The following ADGRD2 variants were observed in gnomAD, a reference collection of about 807,000 sequenced individuals.
ADGRD2 encodes adhesion G protein-coupled receptor D2, also known as G protein-coupled receptor PGR24.
ADGRD2 carries 71 observed loss-of-function variants against 44.4 expected under a neutral mutation model. The ratio of observed to expected loss-of-function variants is 1.60; its 90% CI spans 1.32 to 1.95. The LOEUF (loss-of-function observed/expected upper bound fraction) is 1.95. Ranked by LOEUF, ADGRD2 falls within the 30% of genes most tolerant of loss-of-function variation. ADGRD2 has a pLI of 0.00. For synonymous variants in ADGRD2, 481 were observed against 224.8 expected (o/e 2.14, Z -10.19); for missense variants, 1,039 against 512.4 (o/e 2.03, Z -9.92).
intron 19 of ADGRD2, 65 bp downstream of exon 22, chr9:124,475,680 T>C (rs1399682393): frequency 3.4e-6 from 2 of 591,230 alleles, no homozygotes; most frequent in South Asian, 2.1e-5. Flanking sequence ...CCAGCCCCCA[T>C]ATCCTCTCCT....
intron 21 of ADGRD2, 29 bp downstream of exon 24, chr9:124,476,738 C>G: frequency 1.4e-6 from 1 of 693,520 alleles, no homozygotes; most frequent in Non-Finnish European, 2.6e-6. Context: ...GGGGTCCCCT[C>G]TTTTCTTTTT....
chr9:124,477,561 CGCACAGAGCCA>C (rs570026864), intron 21 of ADGRD2, among the ~76,000 whole-genome samples: 1 of 152,338 alleles, frequency 6.6e-6, no homozygotes, highest in African/African-American at 2.4e-5. Flanking sequence ...AGCCAGAGCC[CGCACAGAGCCA>C]GAGCCAGGTC....
chr9:124,475,636 G>T, intron 19 of ADGRD2, 21 bp downstream of exon 22: 2 of 640,066 alleles, frequency 3.1e-6, no homozygotes, highest in Non-Finnish European at 5.7e-6. Context: ...CACTGGGGGT[G>T]TGGGTGGGGG....
At chr9:124,463,813 A>C (rs1831762452) in intron 10 of ADGRD2, among the ~76,000 whole-genome samples, 1 of 152,118 alleles carries the variant, frequency 6.6e-6, no homozygotes, top group South Asian at 2.1e-4. Flanking sequence ...CTAGAACTTT[A>C]CAATTTTGCT....
At chr9:124,459,928 A>G (rs572492486) in intron 10 of ADGRD2, among the ~76,000 whole-genome samples, 1 of 152,322 alleles carries the variant, frequency 6.6e-6, no homozygotes, top group East Asian at 1.9e-4. Context: ...TGAAAGTTAT[A>G]TAGGGATTGA....
chr9:124,470,754 GAA>G, intron 17 of ADGRD2, 140 bp downstream of exon 20: 1 of 590,156 alleles, frequency 1.7e-6, no homozygotes, highest in Non-Finnish European at 3.1e-6. Context: ...TCCTATCTAA[GAA>G]GGGGTTTTGA....
chr9:124,476,460 C>T (rs1002132059), intron 20 of ADGRD2, 45 bp downstream of exon 23: 1 of 683,768 alleles, frequency 1.5e-6, no homozygotes, highest in Non-Finnish European at 2.7e-6. Context: ...TGCCAGGGGG[C>T]TGGCAAAGCC....
chr9:124,468,856 C>T (rs1831884345), intron 14 of ADGRD2, among the ~76,000 whole-genome samples, 184 bp downstream of exon 17: 1 of 152,118 alleles, frequency 6.6e-6, no homozygotes, highest in African/African-American at 2.4e-5. Flanking sequence ...CCTCAATTTC[C>T]TCAGTTCTAT....
intron 11 of ADGRD2, chr9:124,467,420 T>G (rs1831844986): frequency 2.7e-6 from 1 of 371,674 alleles, no homozygotes; most frequent in Admixed American, 4.2e-5. Flanking sequence ...CCCATTCTGA[T>G]GATACTCCAT....
Position 124,454,544 on chromosome 9 carries a change from T to C in ADGRD2, c.1085T>C (p.Val362Ala). 1 of 716,958 alleles carries C rather than the reference T, an allele frequency of 1.4e-6. No individual in the cohort carries two copies. The allele number at this position is 716,958 out of a possible 1,614,324, so 44.4% of individuals were successfully genotyped here. A position where few individuals can be genotyped will look rare whatever the true frequency, so the allele number is the denominator to read the frequency against. Residue 362 changes from valine to alanine, a missense_variant, in exon 5 of 22, where the codon GTC (valine) becomes GCC (alanine). Val to Ala is a moderately conservative substitution (Grantham distance 64, BLOSUM62 0). Transcript: ENST00000334810. The surrounding 1 kb of genome is among the most constrained non-coding windows in gnomAD (Gnocchi z 4.5). ...CCTGGCCAGGATGTTATCAGCCGAG[T>C]CAATGCCTTGGCCAACGACATTGTG...
In ADGRD2 at chr9:124,472,736, A is replaced by G. The variant is rs768955887; in HGVS notation, c.2758+2122A>G. 9.9e-5 allele frequency among the ~76,000 whole-genome samples: 15 copies of G among 152,074 alleles called. No homozygotes were observed. In the South Asian group the frequency reaches 1.2e-3, roughly 13 times the overall value. ...TTGCCCAGGTTGGTCTTGAACTCCTAACCTCAAGTGATCCTCCCGCCTCGG... is the reference window on the plus strand; with the variant it reads ...TTGCCCAGGTTGGTCTTGAACTCCTGACCTCAAGTGATCCTCCCGCCTCGG... On this transcript the variant is annotated intron_variant, in intron 17 of 21. Transcript: ENST00000334810.
At chr9:124,452,408 A>G in intron 1 of ADGRD2, 102 bp from the exon 5 acceptor site, 2 of 702,664 alleles carry the variant, frequency 2.8e-6, no homozygotes, top group Non-Finnish European at 5.3e-6. Flanking sequence ...AGCCCCATCC[A>G]GCCCGAATGA....
Position 124,454,923 on chromosome 9 carries a change from T to G in ADGRD2, c.1191T>G (p.His397Gln), listed in dbSNP as rs1459301899. ...CCAGCTTCCTGGGCCTTCTGGAGCA[T>G]GTCCTGGCGATGGAGATGGCTCCCC... The change falls in exon 6 of 22, where the codon CAT becomes CAG. Residue 397 changes from histidine to glutamine, a missense_variant. His to Gln is a conservative substitution (Grantham distance 24, BLOSUM62 0). Transcript: ENST00000334810. The surrounding 1 kb of genome is among the most constrained non-coding windows in gnomAD (Gnocchi z 4.5). The G allele has an allele frequency of 2.4e-5, 17 of 716,542 alleles. No homozygotes were observed. The highest frequency in any genetic ancestry group is 3.0e-5 in the South Asian group (2 of 67,604). The allele number at this position is 716,542 out of a possible 1,614,324, so 44.4% of individuals were successfully genotyped here. A position where few individuals can be genotyped will look rare whatever the true frequency, so the allele number is the denominator to read the frequency against.
At chr9:124,474,224 G>A (rs992770428) in intron 17 of ADGRD2, among the ~76,000 whole-genome samples, 4 of 134,100 alleles carry the variant, frequency 3.0e-5, no homozygotes, top group African/African-American at 8.6e-5. Context: ...GCAGTGAGCC[G>A]AAATTGTGCC....
chr9:124,461,883 T>C (rs7035692), intron 10 of ADGRD2, among the ~76,000 whole-genome samples: 97,789 of 151,122 alleles, frequency 0.65, 31,862 homozygotes, highest in Middle Eastern at 0.73. Context: ...GTAGCTGAGA[T>C]TATAGGCACA....
intron 17 of ADGRD2, among the ~76,000 whole-genome samples, chr9:124,470,904 G>A (rs1481099222): frequency 6.6e-6 from 1 of 152,222 alleles, no homozygotes; most frequent in Non-Finnish European, 1.5e-5. Flanking sequence ...CTCAGGGTCC[G>A]GCAGAAATTC....
At position 124,453,729 on chromosome 9, in the gene ADGRD2, C is replaced by T. The variant is rs564742321; in HGVS notation, c.923+53C>T. The T allele has an allele frequency of 1.0e-3, 660 of 658,964 alleles. 2 individuals carry two copies. Among genetic ancestry groups the T allele is most frequent in the African/African-American group, 8.5e-3 (463 of 54,736 alleles). The allele number at this position is 658,964 out of a possible 1,614,324, so 40.8% of individuals were successfully genotyped here. A position where few individuals can be genotyped will look rare whatever the true frequency, so the allele number is the denominator to read the frequency against. On this transcript the variant is annotated intron_variant, in intron 3 of 21. Transcript: ENST00000334810. ...CCCATGGCCCCGAATCCTTCCCTTC[C>T]GACCCTGGAACTCGACCCACCCCTT... is the stretch of plus-strand genomic sequence containing the variant.
intron 12 of ADGRD2, 50 bp downstream of exon 15, chr9:124,467,874 G>A (rs892224197): frequency 1.4e-5 from 10 of 716,200 alleles, no homozygotes; most frequent in African/African-American, 5.2e-5. Flanking sequence ...CTCCCGCCTC[G>A]CTCAGGCCTC....
chr9:124,453,314 G>T, exon 3 of ADGRD2: 1 of 484,116 alleles, frequency 2.1e-6, no homozygotes, highest in Non-Finnish European at 3.6e-6. Context: ...CGCGCCGACG[G>T]CCGCTGGCAC....
Sources: gnomAD v4.1 joint callset for allele counts (sites outside exome capture counted in the v4.1 genomes callset) on GRCh38, gnomAD v4.1.1 for gene constraint, Gnocchi (gnomAD v3.1) non-coding constraint, MANE v1.5 for transcripts, NCBI Gene and HGNC (gene_info 2026-07-23, HGNC 2026-07-21) for gene names.